NOMO3: variants seen among roughly 807,000 people sequenced by gnomAD.
NOMO3 encodes the protein BOS complex subunit NOMO3.
In NOMO3, 15 loss-of-function variants were observed where a neutral mutation model predicts 69.9. The observed-to-expected ratio is 0.21, with a 90% confidence interval of 0.14 to 0.33. The LOEUF is 0.33. Among genes scored for constraint, NOMO3 ranks in the 10% least tolerant of loss-of-function variants. The pLI is 1.00. For missense variants in NOMO3, 218 were observed against 761.0 expected, an observed-to-expected ratio of 0.29 and a Z score of 8.39; for synonymous variants, 89 against 301.9, an observed-to-expected ratio of 0.29 and a Z score of 7.31.
At position 16,236,669 on chromosome 16, in the gene NOMO3, A is replaced by C. The variant is rs567360616; in HGVS notation, c.166-232A>C. 4.1e-4 allele frequency among the ~76,000 whole-genome samples: 60 copies of C among 145,154 alleles called. 8 individuals are homozygous for C. The highest frequency in any genetic ancestry group is 1.1e-3 in the African/African-American group (40 of 36,514). On this transcript the variant is annotated intron_variant, in intron 1 of 30. Coordinates refer to ENST00000399336, the MANE Select transcript of NOMO3 (RefSeq NM_001004067.4). ...AAAATAAACAGAAAAGCATTGAAAA[A>C]TAAGGCATTGTAATAGGCTGTAGGT...
chr16:16,242,485 T>C (rs2049381805), intron 3 of NOMO3, among the ~76,000 whole-genome samples: 1 of 142,552 alleles, frequency 7.0e-6, no homozygotes. Flanking sequence ...ATGGTAGTGG[T>C]TGGCAGACTT....
At position 16,248,121 on chromosome 16, in the gene NOMO3, C is replaced by G. The variant is rs1334413092; in HGVS notation, c.582+654C>G. On this transcript the variant is annotated intron_variant, in intron 6 of 30. Transcript: ENST00000399336. Reference sequence around the variant, plus strand: ...TTTTTTTTAAAGACGGAGTCTCGCTCTGTTGCCAAGACTGGAGTGCAGTGG... The same window carrying G: ...TTTTTTTTAAAGACGGAGTCTCGCTGTGTTGCCAAGACTGGAGTGCAGTGG... 9.4e-5 allele frequency among the ~76,000 whole-genome samples: 5 copies of G among 53,034 alleles called. 1 individual carries two copies. Among genetic ancestry groups the G allele is most frequent in the African/African-American group, 5.7e-4 (5 of 8,710 alleles). 34.8% of individuals were successfully genotyped at this position (53,034 alleles called of 152,430 possible). A position where few individuals can be genotyped will look rare whatever the true frequency, so the allele number is the denominator to read the frequency against.
rs932373843 is a variant in NOMO3 at position 16,252,807 on chromosome 16, A to C, written c.963+285A>C. On this transcript the variant is annotated intron_variant, in intron 9 of 30. Transcript: ENST00000399336. Reference sequence around the variant, plus strand: ...ATAGCAGTGACCAAAAGAGGCAAAAATTCTTGTCCCTGTGGACCTCATTTT... The same window carrying C: ...ATAGCAGTGACCAAAAGAGGCAAAACTTCTTGTCCCTGTGGACCTCATTTT... Among the ~76,000 whole-genome samples, 2 of 98,200 alleles carry C rather than the reference A, an allele frequency of 2.0e-5. 1 individual carries two copies. Among genetic ancestry groups the C allele is most frequent in the Non-Finnish European group, 3.8e-5 (2 of 52,516 alleles). 64.4% of individuals were successfully genotyped at this position (98,200 alleles called of 152,430 possible).
rs761790877 is a variant in NOMO3, at chr16:16,263,158, A to G, written c.1480A>G (p.Met494Val). The G allele has an allele frequency of 1.9e-5, 30 of 1,591,136 alleles. No individual in the cohort carries two copies. The highest frequency in any genetic ancestry group is 2.2e-5 in the Non-Finnish European group (26 of 1,175,874). The change falls in exon 13 of 31, where the codon ATG becomes GTG. Residue 494 changes from methionine to valine, a missense_variant. By Grantham distance (21) the Met-to-Val change is conservative. Coordinates refer to ENST00000399336, the MANE Select transcript of NOMO3 (RefSeq NM_001004067.4). ...FPLTVTDRPV[M>V]DVAFVQFLAS... ...TCTTACTGTGACCGACAGGCCTGTG[A>G]TGGATGTGGCCTTTGTACAGTTCTT...
At chr16:16,264,964 T>G in intron 14 of NOMO3, 79 bp from the exon 15 acceptor site, 1 of 902,238 alleles carries the variant, frequency 1.1e-6, no homozygotes, top group Admixed American at 2.8e-5. Context: ...AGTTAATTCA[T>G]GATCATTGTT....
In NOMO3 at chr16:16,244,556, C is replaced by T. The variant is rs868204572; in HGVS notation, c.403-512C>T. Among the ~76,000 whole-genome samples the T allele has an allele frequency of 5.8e-4, 31 of 53,850 alleles. No homozygotes were observed. In the Middle Eastern group the frequency reaches 0.023, roughly 39 times the overall value. 35.3% of individuals were successfully genotyped at this position (53,850 alleles called of 152,430 possible). A position where few individuals can be genotyped will look rare whatever the true frequency, so the allele number is the denominator to read the frequency against. ...TTTTTAAGATGGAGTCTCCCTCTGTCGCCCAGGCTGGAGTGCAGTGGCGCG... is the reference window on the plus strand; with the variant it reads ...TTTTTAAGATGGAGTCTCCCTCTGTTGCCCAGGCTGGAGTGCAGTGGCGCG... On this transcript the variant is annotated intron_variant, in intron 4 of 30. Coordinates refer to ENST00000399336, the MANE Select transcript of NOMO3 (RefSeq NM_001004067.4).
At position 16,252,212 on chromosome 16, in the gene NOMO3, C is replaced by T. The variant is rs2049469373; in HGVS notation, c.873+112C>T. On this transcript the variant is annotated intron_variant, in intron 8 of 30. Transcript: ENST00000399336. Reference sequence around the variant, plus strand: ...GATGGTTGGCCTGCAGTTCTCTGAACATGCTGTTAAGCAGTAACTTACTTA... The same window carrying T: ...GATGGTTGGCCTGCAGTTCTCTGAATATGCTGTTAAGCAGTAACTTACTTA... 10 of 1,576,586 alleles carry T rather than the reference C, an allele frequency of 6.3e-6. 4 individuals carry two copies. The East Asian group carries it at 2.5e-4, about 39-fold the overall frequency.
At chr16:16,243,026 C>G (rs2049386220) in intron 3 of NOMO3, 135 bp from the exon 4 acceptor site, 3 of 1,340,694 alleles carry the variant, frequency 2.2e-6, no homozygotes, top group Non-Finnish European at 3.0e-6. Context: ...GGAAACACAA[C>G]GAGTGTATTA....
At chr16:16,239,329 C>T (rs2049356602) in intron 2 of NOMO3, among the ~76,000 whole-genome samples, 1 of 142,568 alleles carries the variant, frequency 7.0e-6, no homozygotes, top group Admixed American at 6.9e-5. Context: ...TTTTTAAGAA[C>T]ATTTTTTGTA....
At chr16:16,266,110 C>T (rs1484072762) in intron 15 of NOMO3, among the ~76,000 whole-genome samples, 1 of 141,082 alleles carries the variant, frequency 7.1e-6, no homozygotes, top group Non-Finnish European at 1.5e-5. Context: ...TCAGGAGCAC[C>T]TCTGTAGATC....
At chr16:16,244,017 C>T (rs1181325405) in intron 4 of NOMO3, among the ~76,000 whole-genome samples, 3 of 143,510 alleles carry the variant, frequency 2.1e-5, no homozygotes, top group Non-Finnish European at 3.0e-5. Flanking sequence ...TTTTTTGGAC[C>T]GCCACGGTGG....
intron 7 of NOMO3, chr16:16,251,567 G>A (rs1466170315): frequency 3.8e-6 from 1 of 266,032 alleles, no homozygotes; most frequent in Non-Finnish European, 6.7e-6. Context: ...ATCTACACTG[G>A]GAGGCAGTGG....
intron 11 of NOMO3, among the ~76,000 whole-genome samples, chr16:16,259,530 C>T (rs1337950789): frequency 1.7e-5 from 2 of 118,382 alleles, no homozygotes; most frequent in Non-Finnish European, 3.2e-5. Flanking sequence ...GTGGTTTTGC[C>T]GTGTTGGCTA....
intron 1 of NOMO3, among the ~76,000 whole-genome samples, chr16:16,235,139 C>G (rs1423273726): frequency 2.0e-5 from 3 of 151,248 alleles, no homozygotes; most frequent in African/African-American, 7.4e-5. Context: ...TCACTGACCT[C>G]AGAGAACTTT....
intron 16 of NOMO3, among the ~76,000 whole-genome samples, chr16:16,269,520 T>G (rs1294751480): frequency 7.1e-6 from 1 of 141,716 alleles, no homozygotes; most frequent in Non-Finnish European, 1.5e-5. Context: ...ATTTCAGGTT[T>G]TTGTAGGAAG....
At position 16,258,234 on chromosome 16, in the gene NOMO3, T is replaced by A. The variant is rs765608266; in HGVS notation, c.1220+2076T>A. Among the ~76,000 whole-genome samples the A allele has an allele frequency of 1.6e-4, 22 of 141,822 alleles. 2 individuals carry two copies. The highest frequency in any genetic ancestry group is 9.0e-4 in the Admixed American group (13 of 14,512). The allele number at this position is 141,822 out of a possible 152,430, so 93.0% of individuals were successfully genotyped here. ...AAAAATTAAAAAATAACAAGATTTT[T>A]AAAAAAGACAAAAAAGACAAATACA... is the stretch of plus-strand genomic sequence containing the variant. On this transcript the variant is annotated intron_variant, in intron 11 of 30. Coordinates refer to ENST00000399336, the MANE Select transcript of NOMO3 (RefSeq NM_001004067.4).
chr16:16,259,350 C>T (rs1220106158), intron 11 of NOMO3, among the ~76,000 whole-genome samples: 7 of 143,310 alleles, frequency 4.9e-5, no homozygotes, highest in Non-Finnish European at 8.9e-5. Context: ...TATTTCTTTT[C>T]CTTTTTATTT....
Position 16,255,732 on chromosome 16 carries a change from G to A in NOMO3, c.976G>A (p.Val326Ile), listed in dbSNP as rs2049505262. The A allele has an allele frequency of 3.8e-6, 6 of 1,590,926 alleles. 1 individual carries two copies. Among genetic ancestry groups the A allele is most frequent in the Non-Finnish European group, 4.2e-6 (5 of 1,177,672 alleles). ...DSLKIEPVFH[V>I]MGFSVTGRVL... ...CTTTGTTTTCTAGCCCGTGTTCCACGTCATGGGATTCTCCGTCACCGGGAG... is the reference window on the plus strand; with the variant it reads ...CTTTGTTTTCTAGCCCGTGTTCCACATCATGGGATTCTCCGTCACCGGGAG... The change falls in exon 10 of 31, where the codon GTC (valine) becomes ATC (isoleucine). Residue 326 changes from valine to isoleucine, a missense_variant. Coordinates refer to ENST00000399336, the MANE Select transcript of NOMO3 (RefSeq NM_001004067.4).
intron 11 of NOMO3, chr16:16,261,135 A>C (rs1380516845): frequency 7.8e-6 from 2 of 256,714 alleles, no homozygotes; most frequent in Non-Finnish European, 1.4e-5. Context: ...CCACATTCTC[A>C]GTCCAAGGCC....
Sources: allele counts gnomAD v4.1 joint callset (sites outside exome capture counted in the v4.1 genomes callset), GRCh38; gene constraint gnomAD v4.1.1; transcripts MANE v1.5; gene names NCBI Gene and HGNC (gene_info 2026-07-23, HGNC 2026-07-21).